The following L3MBTL4 variants were observed in gnomAD, a reference collection of about 807,000 sequenced individuals.
The protein encoded by L3MBTL4 is lethal(3)malignant brain tumor-like protein 4.
A neutral mutation model predicts 84.5 loss-of-function variants in L3MBTL4; 70 were observed. The ratio of observed to expected loss-of-function variants is 0.83; its 90% CI spans 0.68 to 1.01. The LOEUF (loss-of-function observed/expected upper bound fraction) is 1.01, where lower values mean the gene tolerates loss of function less well. L3MBTL4 is among the 50% of genes least tolerant of loss of function. The pLI is 0.00. For missense variants in L3MBTL4, 715 were observed against 754.8 expected, an observed-to-expected ratio of 0.95 and a Z score of 0.62; for synonymous variants, 274 against 259.8, an observed-to-expected ratio of 1.05 and a Z score of -0.52.
intron 16 of L3MBTL4, among the ~76,000 whole-genome samples, chr18:5,991,182 T>C (rs1381755669): frequency 4.6e-5 from 7 of 152,178 alleles, no homozygotes; most frequent in Non-Finnish European, 4.4e-5. Flanking sequence ...TCAAATATAA[T>C]TGAGGTTCTT....
At chr18:6,202,818 C>T (rs763992621) in intron 12 of L3MBTL4, among the ~76,000 whole-genome samples, 5 of 152,242 alleles carry the variant, frequency 3.3e-5, no homozygotes, top group Middle Eastern at 3.4e-3. Flanking sequence ...GAAAAATTAA[C>T]GTAGACATAC....
intron 16 of L3MBTL4, chr18:6,031,766 G>A (rs1170362998): frequency 5.1e-6 from 5 of 985,154 alleles, no homozygotes; most frequent in East Asian, 1.1e-4. Flanking sequence ...ACCTCTGTGT[G>A]CCTATCTGCA....
At chr18:6,027,613 CTG>C (rs2055571847) in intron 16 of L3MBTL4, among the ~76,000 whole-genome samples, 1 of 152,242 alleles carries the variant, frequency 6.6e-6, no homozygotes, top group South Asian at 2.1e-4. Flanking sequence ...AATTGCCACA[CTG>C]TCTTCCACAA....
chr18:6,132,588 T>C (rs2059907159), intron 14 of L3MBTL4, among the ~76,000 whole-genome samples: 1 of 152,252 alleles, frequency 6.6e-6, no homozygotes, highest in African/African-American at 2.4e-5. Context: ...AAGCTTCATA[T>C]AATGCTTTTC....
chr18:6,341,171 T>C (rs558322895), intron 1 of L3MBTL4, among the ~76,000 whole-genome samples: 7 of 152,160 alleles, frequency 4.6e-5, no homozygotes, highest in African/African-American at 1.7e-4. Context: ...AAGAGGTGAC[T>C]ACTTATTCAA....
At chr18:6,030,495 G>C (rs1186322128) in intron 16 of L3MBTL4, 2 of 956,696 alleles carry the variant, frequency 2.1e-6, no homozygotes, top group African/African-American at 1.8e-5. Context: ...TTTTAATGAA[G>C]AGACTCTTTT....
chr18:5,982,777 G>C (rs1256554220), intron 16 of L3MBTL4, among the ~76,000 whole-genome samples: 1 of 152,204 alleles, frequency 6.6e-6, no homozygotes, highest in Non-Finnish European at 1.5e-5. Context: ...AGAGGGATAA[G>C]AGATGATATG....
intron 3 of L3MBTL4, among the ~76,000 whole-genome samples, chr18:6,310,114 G>T (rs2146930540): frequency 6.6e-6 from 1 of 152,278 alleles, no homozygotes; most frequent in South Asian, 2.1e-4. Flanking sequence ...ACCACATGTG[G>T]AGAAGTACCC....
chr18:6,120,179 T>G (rs892343343), intron 14 of L3MBTL4, among the ~76,000 whole-genome samples: 1 of 152,120 alleles, frequency 6.6e-6, no homozygotes, highest in African/African-American at 2.4e-5. Context: ...TTAACCTCAC[T>G]CAACTGTGCA....
chr18:6,054,837 G>A (rs188030022), intron 16 of L3MBTL4, among the ~76,000 whole-genome samples: 21 of 152,324 alleles, frequency 1.4e-4, no homozygotes, highest in South Asian at 4.1e-4. Flanking sequence ...TGGAAATGCC[G>A]CAAGGCCCCT....
chr18:6,268,329 C>T (rs141968543), intron 4 of L3MBTL4, among the ~76,000 whole-genome samples: 1,903 of 152,190 alleles, frequency 0.013, 37 homozygotes, highest in African/African-American at 0.042. Context: ...ATTGCTTGAA[C>T]CCGGGAGGCA....
At chr18:6,053,178 T>C (rs974151430) in intron 16 of L3MBTL4, among the ~76,000 whole-genome samples, 2 of 152,208 alleles carry the variant, frequency 1.3e-5, no homozygotes, top group African/African-American at 4.8e-5. Flanking sequence ...GGTGTGTTAG[T>C]AAAGCATCTG....
At chr18:6,281,589 GA>G (rs1184166485) in intron 4 of L3MBTL4, among the ~76,000 whole-genome samples, 2 of 152,270 alleles carry the variant, frequency 1.3e-5, no homozygotes, top group East Asian at 3.9e-4. Flanking sequence ...CCACTGATTT[GA>G]ATAACTGGTT....
intron 15 of L3MBTL4, among the ~76,000 whole-genome samples, chr18:6,085,876 T>C (rs2058242330): frequency 1.3e-5 from 2 of 152,344 alleles, no homozygotes; most frequent in South Asian, 2.1e-4. Flanking sequence ...CTGTTAACCC[T>C]AGTGACCTAA....
At chr18:6,378,996 G>A (rs1349507534) in intron 1 of L3MBTL4, among the ~76,000 whole-genome samples, 1 of 152,108 alleles carries the variant, frequency 6.6e-6, no homozygotes, top group Non-Finnish European at 1.5e-5. Context: ...TTATTTCCTT[G>A]AGCAGTGGTT....
At chr18:6,298,234 A>G (rs1301789271) in intron 4 of L3MBTL4, among the ~76,000 whole-genome samples, 2 of 152,208 alleles carry the variant, frequency 1.3e-5, no homozygotes, top group African/African-American at 2.4e-5. Flanking sequence ...AAGTTAAAAA[A>G]TATCATCACT....
chr18:5,977,995 C>T (rs1022280089), intron 16 of L3MBTL4, among the ~76,000 whole-genome samples: 1 of 152,190 alleles, frequency 6.6e-6, no homozygotes, highest in Non-Finnish European at 1.5e-5. Context: ...CCATTCATCC[C>T]CAGAGCTGCA....
At chr18:6,143,576 A>G (rs1222227166) in intron 13 of L3MBTL4, among the ~76,000 whole-genome samples, 1 of 152,226 alleles carries the variant, frequency 6.6e-6, no homozygotes, top group Non-Finnish European at 1.5e-5. Context: ...TTCAGAAAAT[A>G]ATCGTATTTT....
chr18:5,958,047 AAGGAG>A (rs2144604572), intron 18 of L3MBTL4, among the ~76,000 whole-genome samples: 1 of 113,536 alleles, frequency 8.8e-6, no homozygotes, highest in Admixed American at 8.7e-5. Flanking sequence ...GGAGGAGGAG[AAGGAG>A]AAGGAGAAGG....
Sources: allele counts gnomAD v4.1 joint callset (sites outside exome capture counted in the v4.1 genomes callset), GRCh38; gene constraint gnomAD v4.1.1; transcripts MANE v1.5; gene names NCBI Gene and HGNC (gene_info 2026-07-23, HGNC 2026-07-21).